OPN3: variants seen among roughly 807,000 people sequenced by gnomAD.
OPN3 encodes the protein opsin-3.
A neutral mutation model predicts 33.8 loss-of-function variants in OPN3; 29 were observed. That is an observed-to-expected ratio of 0.86 (90% CI 0.64 to 1.17). The LOEUF is 1.17. OPN3 is among the 50% of genes most tolerant of loss of function. The pLI, the probability that OPN3 is intolerant of heterozygous loss-of-function variation, is 0.00. For synonymous variants in OPN3, 216 were observed against 216.1 expected (o/e 1.00, Z 0.00); for missense variants, 437 against 514.1 (o/e 0.85, Z 1.45).
At chr1:241,624,522 G>C (rs943799032) in intron 1 of OPN3, among the ~76,000 whole-genome samples, 1 of 152,204 alleles carries the variant, frequency 6.6e-6, no homozygotes, top group African/African-American at 2.4e-5. Flanking sequence ...CTGCAGAAAT[G>C]ATCACAGCCT....
At position 241,594,489 on chromosome 1, in the gene OPN3, A is replaced by G. The variant is rs756746865; in HGVS notation, c.1148T>C (p.Val383Ala). The G allele has an allele frequency of 1.2e-6, 2 of 1,614,134 alleles. No individual in the cohort carries two copies. The highest frequency in any genetic ancestry group is 2.2e-5 in the South Asian group (2 of 91,088). Reference sequence around the variant, plus strand: ...CCCATTGGTTTTGTCGCTGTCGTCAACTGACAGTGATTCATCACTGGTGAT... The same window carrying G: ...CCCATTGGTTTTGTCGCTGTCGTCAGCTGACAGTGATTCATCACTGGTGAT... ...FIITSDESLSVDDSDKTNGSK... is the reference protein window; with the variant it reads ...FIITSDESLSADDSDKTNGSK... Residue 383 changes from valine (V) to alanine (A), a missense_variant, in exon 4 of 4, where the codon GTT becomes GCT. By Grantham distance (64) the Val-to-Ala change is moderately conservative. Transcript: ENST00000366554.
rs938785043 is a variant in OPN3, at chr1:241,594,210, G to A, written c.*218C>T. The A allele has an allele frequency of 4.4e-6, 2 of 456,754 alleles. No individual in the cohort carries two copies. Among genetic ancestry groups the A allele is most frequent in the Non-Finnish European group, 7.7e-6 (2 of 261,118 alleles). 28.3% of individuals were successfully genotyped at this position (456,754 alleles called of 1,614,324 possible). ...TAGATGCCCATCGTGTGCCACAAGT[G>A]GTTTTTTCATTATGTAAAGCACCCG... On this transcript the variant is annotated 3_prime_UTR_variant, in exon 4 of 4. Transcript: ENST00000366554.
chr1:241,604,898 T>C (rs1048457536), intron 1 of OPN3, among the ~76,000 whole-genome samples: 1 of 151,304 alleles, frequency 6.6e-6, no homozygotes, highest in Non-Finnish European at 1.5e-5. Flanking sequence ...TTACAAAAGA[T>C]ACAAAAATTA....
intron 2 of OPN3, among the ~76,000 whole-genome samples, chr1:241,603,975 G>C (rs1343378992): frequency 6.6e-6 from 1 of 152,202 alleles, no homozygotes; most frequent in Admixed American, 6.5e-5. Context: ...AATTTTAAGA[G>C]TGTTGGATAA....
chr1:241,603,492 T>C (rs1663734194), intron 2 of OPN3, among the ~76,000 whole-genome samples: 1 of 151,906 alleles, frequency 6.6e-6, no homozygotes, highest in African/African-American at 2.4e-5. Flanking sequence ...TTCCAGCTCC[T>C]CCTTGCAGTT....
chr1:241,629,887 GT>G (rs754137244), intron 1 of OPN3: 1 of 152,022 alleles, frequency 6.6e-6, no homozygotes, highest in Non-Finnish European at 1.5e-5. Flanking sequence ...TTAATAGCAT[GT>G]TTTAAGGATT....
At chr1:241,611,634 A>G (rs1664004137) in intron 1 of OPN3, among the ~76,000 whole-genome samples, 1 of 152,204 alleles carries the variant, frequency 6.6e-6, no homozygotes. Context: ...AATAATTCAA[A>G]ATGGTAGGAC....
chr1:241,633,000 T>C (rs1199340330), intron 1 of OPN3: 1 of 152,136 alleles, frequency 6.6e-6, no homozygotes, highest in Non-Finnish European at 1.5e-5. Context: ...CTATTTTAAG[T>C]GCCAGGGCAG....
intron 1 of OPN3, among the ~76,000 whole-genome samples, chr1:241,611,047 A>G (rs1309078749): frequency 6.6e-6 from 1 of 152,224 alleles, no homozygotes; most frequent in African/African-American, 2.4e-5. Context: ...TTTAAGTAGT[A>G]GAAAGTGGGT....
intron 1 of OPN3, among the ~76,000 whole-genome samples, chr1:241,622,661 G>C (rs2148014075): frequency 6.6e-6 from 1 of 152,260 alleles, no homozygotes; most frequent in South Asian, 2.1e-4. Flanking sequence ...TAAATCAATT[G>C]CTAAAACATT....
At chr1:241,599,683 G>A (rs1369056417) in intron 2 of OPN3, among the ~76,000 whole-genome samples, 2 of 152,066 alleles carry the variant, frequency 1.3e-5, no homozygotes, top group Non-Finnish European at 2.9e-5. Context: ...TTTGATAAAA[G>A]GTCTAGATTT....
At chr1:241,619,468 C>T (rs1664221276) in intron 1 of OPN3, among the ~76,000 whole-genome samples, 2 of 152,220 alleles carry the variant, frequency 1.3e-5, no homozygotes, top group Admixed American at 1.3e-4. Flanking sequence ...CTTTACCTAT[C>T]TCCTTGTCTT....
chr1:241,605,066 A>T (rs201707872), intron 1 of OPN3, among the ~76,000 whole-genome samples: 324 of 120,598 alleles, frequency 2.7e-3, no homozygotes, highest in African/African-American at 0.01. Context: ...AAAAAAAAAA[A>T]AAATAAAATA....
chr1:241,603,476 T>TG (rs1054796966), intron 2 of OPN3, among the ~76,000 whole-genome samples: 1 of 151,924 alleles, frequency 6.6e-6, no homozygotes, highest in African/African-American at 2.4e-5. Flanking sequence ...TGTTTTGTTT[T>TG]TTTTTTTCCA....
chr1:241,604,007 A>G (rs1185930817), intron 2 of OPN3, among the ~76,000 whole-genome samples: 1 of 152,084 alleles, frequency 6.6e-6, no homozygotes, highest in East Asian at 1.9e-4. Flanking sequence ...TTGGTTGCTG[A>G]TTTTGTCAGT....
intron 1 of OPN3, chr1:241,631,624 G>A (rs575466991): frequency 3.3e-5 from 5 of 152,126 alleles, no homozygotes; most frequent in Admixed American, 6.5e-5. Context: ...AGTGTATTCC[G>A]AACAAATTTT....
At chr1:241,632,099 T>A (rs1023375387) in intron 1 of OPN3, 1 of 152,180 alleles carries the variant, frequency 6.6e-6, no homozygotes, top group Non-Finnish European at 1.5e-5. Flanking sequence ...TGGTGGGAGA[T>A]AACTGAATCA....
intron 3 of OPN3, among the ~76,000 whole-genome samples, chr1:241,596,732 G>T (rs1028987190): frequency 6.6e-6 from 1 of 152,186 alleles, no homozygotes; most frequent in African/African-American, 2.4e-5. Flanking sequence ...AAACGTAGAG[G>T]CTCAGCTTTA....
At chr1:241,599,704 G>A (rs185540331) in intron 2 of OPN3, among the ~76,000 whole-genome samples, 2 of 152,122 alleles carry the variant, frequency 1.3e-5, no homozygotes, top group African/African-American at 4.8e-5. Context: ...GGAATTAGAA[G>A]ATCTAAGTTT....
Sources: allele counts gnomAD v4.1 joint callset (sites outside exome capture counted in the v4.1 genomes callset), GRCh38; gene constraint gnomAD v4.1.1; transcripts MANE v1.5; gene names NCBI Gene and HGNC (gene_info 2026-07-23, HGNC 2026-07-21).